The following STXBP5L variants were observed in gnomAD, a reference collection of about 807,000 sequenced individuals.
STXBP5L encodes the protein syntaxin binding protein 5L.
In STXBP5L, 65 loss-of-function variants were observed where a neutral mutation model predicts 144.5. The observed-to-expected ratio is 0.45, with a 90% CI of 0.37 to 0.55. The LOEUF (loss-of-function observed/expected upper bound fraction) is 0.55, where lower values mean the gene tolerates loss of function less well. Among genes scored for constraint, STXBP5L ranks in the 20% least tolerant of loss-of-function variants. The pLI, the probability that STXBP5L is intolerant of heterozygous loss-of-function variation, is 0.00. For synonymous variants in STXBP5L, 505 were observed against 469.6 expected (o/e 1.08, Z -0.97); for missense variants, 1,298 against 1,405.5 (o/e 0.92, Z 1.22).
chr3:121,264,803 C>T (rs1237128827), intron 18 of STXBP5L, among the ~76,000 whole-genome samples: 1 of 50,936 alleles, frequency 2.0e-5, no homozygotes, highest in Non-Finnish European at 4.1e-5. Context: ...TAATGGAAAG[C>T]ACAAAAAAAA....
At chr3:121,187,010 T>G (rs1275824501) in intron 9 of STXBP5L, among the ~76,000 whole-genome samples, 1 of 152,154 alleles carries the variant, frequency 6.6e-6, no homozygotes, top group Non-Finnish European at 1.5e-5. Context: ...GTGTGGTGAT[T>G]CCTCAGGGAT....
Position 121,150,851 on chromosome 3 carries a change from G to A in STXBP5L, c.670-1626G>A, listed in dbSNP as rs1469951180. ...GCCTGTAATCCTAGCACTTTGGGAG[G>A]CCAAGAGGGGCAGATCACTTGAGGT... On this transcript the variant is annotated intron_variant, in intron 7 of 26. Coordinates refer to ENST00000471454, the MANE Select transcript of STXBP5L (RefSeq NM_001308330.2). Among the ~76,000 whole-genome samples the A allele has an allele frequency of 3.9e-5, 6 of 152,166 alleles. 1 individual carries two copies. The South Asian group carries it at 1.2e-3, about 32-fold the overall frequency.
intron 9 of STXBP5L, among the ~76,000 whole-genome samples, chr3:121,194,898 CT>C (rs1351071571): frequency 7.1e-6 from 1 of 141,566 alleles, no homozygotes; most frequent in East Asian, 2.0e-4. Flanking sequence ...AGATAGGTCC[CT>C]CTTTTCACTC....
rs184674657 is a variant in STXBP5L, at chr3:121,275,868, G to T, written c.1959-3937G>T. Among the ~76,000 whole-genome samples, 64 of 151,704 alleles carry T rather than the reference G, an allele frequency of 4.2e-4. 1 individual carries two copies. The highest frequency in any genetic ancestry group is 1.5e-5 in the Non-Finnish European group (1 of 67,846). On this transcript the variant is annotated intron_variant, in intron 18 of 26. Transcript: ENST00000471454. Reference sequence around the variant, plus strand: ...CATTTTTTAAATTAGTGTTTTCATTGTAAATGTTTTCCATCATTTCGCTTT... The same window carrying T: ...CATTTTTTAAATTAGTGTTTTCATTTTAAATGTTTTCCATCATTTCGCTTT...
rs900610725 is a variant in STXBP5L at position 121,200,756 on chromosome 3, A to G, written c.878-5167A>G. Among the ~76,000 whole-genome samples, 6 of 152,182 alleles carry G rather than the reference A, an allele frequency of 3.9e-5. No individual in the cohort carries two copies. In the East Asian group the frequency reaches 9.6e-4, roughly 24 times the overall value. ...TTTGTTATTTACCCAGTAGTCATTC[A>G]GGAGCAGGTTACTCAATTTCCATTA... On this transcript the variant is annotated intron_variant, in intron 9 of 26. Transcript: ENST00000471454.
In STXBP5L at chr3:121,094,889, A is replaced by T. The variant is rs141908805; in HGVS notation, c.471-20036A>T. ...GTCTCGATGGTCTTTACATTTTGGCATGATTTTGCAGCGGCTGGTACTGGT... is the reference window on the plus strand; with the variant it reads ...GTCTCGATGGTCTTTACATTTTGGCTTGATTTTGCAGCGGCTGGTACTGGT... On this transcript the variant is annotated intron_variant, in intron 5 of 26. Coordinates refer to ENST00000471454, the MANE Select transcript of STXBP5L (RefSeq NM_001308330.2). 9.4e-3 allele frequency among the ~76,000 whole-genome samples: 1,422 copies of T among 152,084 alleles called. 14 individuals are homozygous for T. Among genetic ancestry groups the T allele is most frequent in the African/African-American group, 0.02 (821 of 41,494 alleles).
chr3:121,242,295 T>C (rs779972136), intron 14 of STXBP5L, among the ~76,000 whole-genome samples: 26 of 152,164 alleles, frequency 1.7e-4, no homozygotes, highest in Non-Finnish European at 3.1e-4. Flanking sequence ...GCAAAGATTA[T>C]AGTAACAGAG....
intron 2 of STXBP5L, among the ~76,000 whole-genome samples, chr3:120,926,403 T>G (rs1709634438): frequency 6.6e-6 from 1 of 151,716 alleles, no homozygotes; most frequent in Admixed American, 6.6e-5. Flanking sequence ...CTATATAGTT[T>G]CCATTGAGAA....
intron 5 of STXBP5L, among the ~76,000 whole-genome samples, chr3:121,102,583 C>A (rs1466598246): frequency 6.6e-6 from 1 of 152,070 alleles, no homozygotes; most frequent in Non-Finnish European, 1.5e-5. Context: ...AAATATCAGA[C>A]CTCAAACTAT....
chr3:121,187,455 G>A (rs376175277), intron 9 of STXBP5L, among the ~76,000 whole-genome samples: 1 of 151,612 alleles, frequency 6.6e-6, no homozygotes, highest in Non-Finnish European at 1.5e-5. Flanking sequence ...TACACCTAAT[G>A]TTAAACGAAG....
Position 121,225,033 on chromosome 3 carries a change from T to C in STXBP5L, c.1111+1876T>C, listed in dbSNP as rs968130681. On this transcript the variant is annotated intron_variant, in intron 11 of 26. Coordinates refer to ENST00000471454, the MANE Select transcript of STXBP5L (RefSeq NM_001308330.2). ...CATTCCTATTCACTTTCAAGCCATA[T>C]ATAAAAATCTTTGTTTTTTAGCAAT... Among the ~76,000 whole-genome samples the C allele has an allele frequency of 5.3e-5, 8 of 152,160 alleles. No individual in the cohort carries two copies. In the South Asian group the frequency reaches 8.3e-4, roughly 16 times the overall value.
chr3:121,410,124 T>C (rs552767724), intron 23 of STXBP5L, among the ~76,000 whole-genome samples: 1 of 152,076 alleles, frequency 6.6e-6, no homozygotes, highest in African/African-American at 2.4e-5. Flanking sequence ...AAATTTCTGA[T>C]AAGGTCATTT....
intron 12 of STXBP5L, 24 bp from the exon 13 acceptor site, chr3:121,238,947 T>G: frequency 1.3e-6 from 2 of 1,519,158 alleles, no homozygotes; most frequent in Admixed American, 2.0e-5. Context: ...AAAATAACAC[T>G]GATATATTGT....
rs539857125 is a variant in STXBP5L at position 121,095,385 on chromosome 3, C to A, written c.471-19540C>A. Among the ~76,000 whole-genome samples the A allele has an allele frequency of 3.3e-5, 5 of 152,266 alleles. No homozygotes were observed. The South Asian group carries it at 1.0e-3, about 32-fold the overall frequency. On this transcript the variant is annotated intron_variant, in intron 5 of 26. Transcript: ENST00000471454. ...GGATAATAACCTGCAGAGTGTTTTC[C>A]AACGTGGTTCCATGCTCCCCGTCAC...
Position 120,957,140 on chromosome 3 carries a change from G to T in STXBP5L, c.287+2103G>T, listed in dbSNP as rs527854611. 3.9e-5 allele frequency among the ~76,000 whole-genome samples: 6 copies of T among 151,974 alleles called. No individual in the cohort carries two copies. In the South Asian group the frequency reaches 1.0e-3, roughly 26 times the overall value. ...AAATTATTTGATCATACATGTTAGGGTTTGTTTGTGGGCTCTCCTATTCTA... is the reference window on the plus strand; with the variant it reads ...AAATTATTTGATCATACATGTTAGGTTTTGTTTGTGGGCTCTCCTATTCTA... On this transcript the variant is annotated intron_variant, in intron 3 of 26. Transcript: ENST00000471454.
At chr3:121,412,891 A>C (rs2047150436) in intron 23 of STXBP5L, among the ~76,000 whole-genome samples, 1 of 151,894 alleles carries the variant, frequency 6.6e-6, no homozygotes, top group South Asian at 2.1e-4. Flanking sequence ...AAAATTAGCC[A>C]GGTGTGGTGG....
At chr3:121,030,503 C>T (rs189462256) in intron 3 of STXBP5L, among the ~76,000 whole-genome samples, 125 of 152,010 alleles carry the variant, frequency 8.2e-4, no homozygotes, top group African/African-American at 2.7e-3. Flanking sequence ...TACAGCATGG[C>T]GAACATCACA....
chr3:121,140,887 G>A (rs1368706488), intron 7 of STXBP5L, among the ~76,000 whole-genome samples: 2 of 151,460 alleles, frequency 1.3e-5, no homozygotes, highest in African/African-American at 2.4e-5. Flanking sequence ...GAGTGTAGAT[G>A]TTATGTGATC....
At chr3:121,082,231 A>T (rs1205291609) in intron 5 of STXBP5L, among the ~76,000 whole-genome samples, 2 of 152,134 alleles carry the variant, frequency 1.3e-5, no homozygotes, top group Non-Finnish European at 2.9e-5. Context: ...GCTTATGTTG[A>T]GTCTTCCAAT....
Sources: gnomAD v4.1 joint callset for allele counts (sites outside exome capture counted in the v4.1 genomes callset) on GRCh38, gnomAD v4.1.1 for gene constraint, MANE v1.5 for transcripts, NCBI Gene and HGNC (gene_info 2026-07-23, HGNC 2026-07-21) for gene names.